Variants in COP1 observed in about 807,000 individuals in gnomAD.
COP1 encodes E3 ubiquitin-protein ligase COP1.
A neutral mutation model predicts 101.3 loss-of-function variants in COP1; 24 were observed. The observed-to-expected ratio is 0.24, with a 90% CI of 0.17 to 0.33. The LOEUF is 0.33. Ranked by LOEUF, COP1 falls within the 10% of genes least tolerant of loss-of-function variation. The pLI, the probability that COP1 is intolerant of heterozygous loss-of-function variation, is 1.00. For synonymous variants in COP1, 347 were observed against 341.9 expected (o/e 1.01, Z -0.17); for missense variants, 663 against 906.2 (o/e 0.73, Z 3.45).
intron 18 of COP1, among the ~76,000 whole-genome samples, chr1:175,953,045 T>G (rs1026062349): frequency 1.2e-4 from 18 of 152,188 alleles, no homozygotes; most frequent in African/African-American, 4.3e-4. Flanking sequence ...ATAATAACAG[T>G]GCTTTAAGGT....
At chr1:176,182,277 C>T (rs929610956) in intron 2 of COP1, among the ~76,000 whole-genome samples, 1 of 152,184 alleles carries the variant, frequency 6.6e-6, no homozygotes, top group Non-Finnish European at 1.5e-5. Context: ...AGAAGAGGAA[C>T]AGGACAGCAG....
At chr1:175,998,188 A>G (rs1412418928) in intron 15 of COP1, among the ~76,000 whole-genome samples, 2 of 151,326 alleles carry the variant, frequency 1.3e-5, no homozygotes, top group Non-Finnish European at 2.9e-5. Flanking sequence ...GGAAATCATC[A>G]TTCTCAGTAA....
intron 9 of COP1, among the ~76,000 whole-genome samples, chr1:176,102,344 G>A (rs1489393700): frequency 6.6e-6 from 1 of 152,132 alleles, no homozygotes; most frequent in African/African-American, 2.4e-5. Flanking sequence ...CGTGTGACAA[G>A]AGCCCAGTTT....
intron 15 of COP1, among the ~76,000 whole-genome samples, chr1:175,994,047 G>C (rs373342525): frequency 5.3e-5 from 8 of 152,272 alleles, no homozygotes; most frequent in African/African-American, 1.4e-4. Flanking sequence ...GGGGATCTCT[G>C]GGCAGAAACT....
chr1:176,030,343 A>G (rs1668451876), intron 14 of COP1, among the ~76,000 whole-genome samples: 1 of 152,182 alleles, frequency 6.6e-6, no homozygotes, highest in Admixed American at 6.5e-5. Context: ...TGACTGGATT[A>G]TACTCTAACA....
intron 3 of COP1, among the ~76,000 whole-genome samples, chr1:176,173,368 G>T (rs1696408640): frequency 6.9e-6 from 1 of 145,864 alleles, no homozygotes; most frequent in Admixed American, 7.0e-5. Flanking sequence ...AGGCACAATG[G>T]CTCACATCTG....
At chr1:176,141,601 C>T (rs1690694134) in intron 6 of COP1, among the ~76,000 whole-genome samples, 1 of 152,146 alleles carries the variant, frequency 6.6e-6, no homozygotes, top group Non-Finnish European at 1.5e-5. Flanking sequence ...ATGAAGTGCA[C>T]ACTACAGCAA....
At chr1:176,087,457 C>T (rs1269044122) in intron 9 of COP1, among the ~76,000 whole-genome samples, 1 of 152,158 alleles carries the variant, frequency 6.6e-6, no homozygotes, top group African/African-American at 2.4e-5. Flanking sequence ...TATGAACACA[C>T]ACTTCTCAAA....
intron 15 of COP1, among the ~76,000 whole-genome samples, chr1:175,991,737 T>A (rs1387401930): frequency 1.3e-5 from 2 of 152,350 alleles, no homozygotes; most frequent in East Asian, 3.9e-4. Flanking sequence ...TTTTTAAACT[T>A]TTTTGTTAAA....
intron 9 of COP1, among the ~76,000 whole-genome samples, chr1:176,088,379 G>A (rs946364578): frequency 6.6e-6 from 1 of 152,076 alleles, no homozygotes. Flanking sequence ...AAAAACAGGT[G>A]AATTATGAGT....
At chr1:176,030,335 A>G (rs1668450887) in intron 14 of COP1, among the ~76,000 whole-genome samples, 1 of 152,182 alleles carries the variant, frequency 6.6e-6, no homozygotes, top group South Asian at 2.1e-4. Flanking sequence ...GTGGACTTTG[A>G]CTGGATTATA....
intron 15 of COP1, among the ~76,000 whole-genome samples, chr1:176,021,816 C>T (rs1048340636): frequency 1.3e-5 from 2 of 152,118 alleles, no homozygotes; most frequent in African/African-American, 2.4e-5. Context: ...AGAATGAATG[C>T]TTGACTTTAT....
chr1:176,018,234 G>A (rs1446600585), intron 15 of COP1, among the ~76,000 whole-genome samples: 4 of 152,126 alleles, frequency 2.6e-5, no homozygotes, highest in African/African-American at 7.2e-5. Context: ...TTCTCCTAGA[G>A]TCAAAGAAGT....
intron 2 of COP1, among the ~76,000 whole-genome samples, chr1:176,183,072 T>G (rs528157894): frequency 2.0e-5 from 3 of 152,214 alleles, no homozygotes; most frequent in African/African-American, 7.2e-5. Flanking sequence ...AATACTTTAT[T>G]TTATAAGAAA....
intron 15 of COP1, among the ~76,000 whole-genome samples, chr1:176,022,951 T>C (rs1482176969): frequency 6.6e-6 from 1 of 152,246 alleles, no homozygotes; most frequent in African/African-American, 2.4e-5. Context: ...GTTCTCCTTG[T>C]GCTTTGAATG....
chr1:176,171,209 T>G (rs1696013983), intron 3 of COP1, among the ~76,000 whole-genome samples: 1 of 152,000 alleles, frequency 6.6e-6, no homozygotes, highest in Non-Finnish European at 1.5e-5. Context: ...CAACAATGAT[T>G]TTTACCTAGA....
intron 8 of COP1, among the ~76,000 whole-genome samples, chr1:176,133,130 C>T (rs948165242): frequency 2.7e-5 from 4 of 146,362 alleles, no homozygotes; most frequent in Non-Finnish European, 3.0e-5. Context: ...CTATATATAC[C>T]CATACACATA....
chr1:176,082,498 T>C (rs1480331443), intron 10 of COP1, among the ~76,000 whole-genome samples: 1 of 152,148 alleles, frequency 6.6e-6, no homozygotes, highest in East Asian at 1.9e-4. Flanking sequence ...TATGTAACAA[T>C]TATTATAAGA....
At chr1:175,947,302 T>A in intron 18 of COP1, 63 bp from the exon 19 acceptor site, 2 of 1,041,710 alleles carry the variant, frequency 1.9e-6, no homozygotes, top group Non-Finnish European at 3.0e-6. Flanking sequence ...ATCCAAGAGA[T>A]AATTTCCTCT....
Sources: gnomAD v4.1 joint callset for allele counts (sites outside exome capture counted in the v4.1 genomes callset) on GRCh38, gnomAD v4.1.1 for gene constraint, MANE v1.5 for transcripts, NCBI Gene and HGNC (gene_info 2026-07-23, HGNC 2026-07-21) for gene names.